PKIB: variants seen among roughly 807,000 people sequenced by gnomAD.
PKIB encodes the protein cAMP-dependent protein kinase inhibitor beta.
PKIB carries 2 observed loss-of-function variants against 4.5 expected under a neutral mutation model. The observed-to-expected ratio is 0.44, with a 90% CI of 0.18 to 1.39. PKIB has a LOEUF of 1.39. Ranked by LOEUF, PKIB falls within the 40% of genes most tolerant of loss-of-function variation. PKIB has a pLI of 0.27. For missense variants in PKIB, 94 were observed against 92.6 expected, an observed-to-expected ratio of 1.02 and a Z score of -0.06; for synonymous variants, 38 against 36.0, an observed-to-expected ratio of 1.06 and a Z score of -0.20.
chr6:122,720,647 G>C (rs1779701933), intron 4 of PKIB, among the ~76,000 whole-genome samples: 1 of 152,012 alleles, frequency 6.6e-6, no homozygotes, highest in Admixed American at 6.6e-5. Flanking sequence ...TTGATATATA[G>C]GTCTGGTGGA....
At chr6:122,707,941 AATGTCAT>A (rs1423507784) in intron 3 of PKIB, among the ~76,000 whole-genome samples, 3 of 146,992 alleles carry the variant, frequency 2.0e-5, no homozygotes, top group Non-Finnish European at 4.5e-5. Context: ...AGCATATATT[AATGTCAT>A]ATGCAAAAAG....
In PKIB at chr6:122,633,370, A is replaced by G. The variant is rs1384191624; in HGVS notation, c.-76+3A>G. On this transcript the variant is annotated splice_donor_region_variant and intron_variant, in intron 2 of 4. Coordinates refer to ENST00000368452, the MANE Select transcript of PKIB (RefSeq NM_181795.3). ...TGCCAGGGACAGGAAAGATAGGAGT[A>G]AGTATATTTTTGTTCCATTGATCTT... 1 of 152,184 alleles carries G rather than the reference A, an allele frequency of 6.6e-6. No individual in the cohort carries two copies. The highest frequency in any genetic ancestry group is 1.5e-5 in the Non-Finnish European group (1 of 68,012). 9.4% of individuals were successfully genotyped at this position (152,184 alleles called of 1,614,324 possible). A position where few individuals can be genotyped will look rare whatever the true frequency, so the allele number is the denominator to read the frequency against.
intron 2 of PKIB, among the ~76,000 whole-genome samples, chr6:122,558,574 A>T (rs931109087): frequency 1.3e-5 from 2 of 152,168 alleles, no homozygotes; most frequent in African/African-American, 4.8e-5. Context: ...TATCTCCATT[A>T]TATCATCCTT....
rs59519477 is a variant in PKIB, at chr6:122,501,929, CTTTT to C, written c.-248+24007_-248+24010del. 8.9e-4 allele frequency among the ~76,000 whole-genome samples: 111 copies of C among 124,618 alleles called. 1 individual carries two copies. Among genetic ancestry groups the C allele is most frequent in the Middle Eastern group, 4.5e-3 (1 of 220 alleles). 81.8% of individuals were successfully genotyped at this position (124,618 alleles called of 152,430 possible). Reference sequence around the variant, plus strand: ...TAGGCTTTTAGAAGCAGCCAGGCCACTTTTTTTTTTTTTTTTTTTTAATTTTATT... The same window carrying C: ...TAGGCTTTTAGAAGCAGCCAGGCCACTTTTTTTTTTTTTTTTAATTTTATT... On this transcript the variant is annotated intron_variant, in intron 2 of 6. Transcript: ENST00000392491.
rs1036413795 is a variant in PKIB, at chr6:122,511,706, C to T, written c.-248+33767C>T. 5.3e-5 allele frequency among the ~76,000 whole-genome samples: 8 copies of T among 152,280 alleles called. 1 individual carries two copies. The highest frequency in any genetic ancestry group is 1.9e-4 in the African/African-American group (8 of 41,562). On this transcript the variant is annotated intron_variant, in intron 2 of 6. Coordinates refer to the PKIB transcript ENST00000392491. Reference sequence around the variant, plus strand: ...TGGTTTCCACAGTATTTATTGAGTACAATCACTTAGATCTAAGAAGCAGAT... The same window carrying T: ...TGGTTTCCACAGTATTTATTGAGTATAATCACTTAGATCTAAGAAGCAGAT...
intron 1 of PKIB, among the ~76,000 whole-genome samples, chr6:122,616,495 A>C (rs1774995793): frequency 6.6e-6 from 1 of 152,156 alleles, no homozygotes; most frequent in Non-Finnish European, 1.5e-5. Flanking sequence ...ATCACGCGAC[A>C]CAGTGTCCAA....
chr6:122,504,950 G>A (rs1396280983), intron 2 of PKIB, among the ~76,000 whole-genome samples: 1 of 152,130 alleles, frequency 6.6e-6, no homozygotes, highest in African/African-American at 2.4e-5. Flanking sequence ...GAGTCAGGGG[G>A]CCAGTTTTAA....
chr6:122,677,324 A>T (rs557739329), intron 3 of PKIB, among the ~76,000 whole-genome samples: 1 of 151,900 alleles, frequency 6.6e-6, no homozygotes, highest in Non-Finnish European at 1.5e-5. Context: ...TTTTTTGTTT[A>T]TTTGTTTTTT....
intron 3 of PKIB, among the ~76,000 whole-genome samples, chr6:122,590,110 C>A (rs1773972308): frequency 6.6e-6 from 1 of 151,966 alleles, no homozygotes; most frequent in South Asian, 2.1e-4. Flanking sequence ...TCAGAAATGC[C>A]AAATTATTGG....
At chr6:122,488,217 C>CAT (rs1433635954) in intron 2 of PKIB, among the ~76,000 whole-genome samples, 1 of 151,670 alleles carries the variant, frequency 6.6e-6, no homozygotes, top group African/African-American at 2.4e-5. Context: ...TATATATATT[C>CAT]ATATATATAC....
At chr6:122,506,439 T>C (rs1318369093) in intron 2 of PKIB, among the ~76,000 whole-genome samples, 1 of 152,162 alleles carries the variant, frequency 6.6e-6, no homozygotes, top group African/African-American at 2.4e-5. Flanking sequence ...TTGGGAATTA[T>C]GTTTAGGGCC....
intron 2 of PKIB, among the ~76,000 whole-genome samples, chr6:122,541,395 C>T (rs1237967154): frequency 2.6e-5 from 4 of 151,550 alleles, no homozygotes; most frequent in Admixed American, 2.6e-4. Context: ...CAAAATCTCT[C>T]AGCATTTGCT....
intron 2 of PKIB, among the ~76,000 whole-genome samples, chr6:122,492,094 C>T (rs900302318): frequency 2.6e-5 from 4 of 152,030 alleles, no homozygotes; most frequent in African/African-American, 9.7e-5. Flanking sequence ...AGAGGGTAGC[C>T]TAGAACCAAG....
intron 3 of PKIB, chr6:122,701,641 A>C: frequency 3.2e-6 from 3 of 948,956 alleles, no homozygotes; most frequent in Non-Finnish European, 4.8e-6. Context: ...CAAATAACTC[A>C]GAACCAAATA....
intron 1 of PKIB, among the ~76,000 whole-genome samples, chr6:122,621,915 C>G (rs1453812356): frequency 6.6e-6 from 1 of 151,788 alleles, no homozygotes; most frequent in African/African-American, 2.4e-5. Context: ...GGGCTGGACT[C>G]AAGTTCTGAG....
At chr6:122,572,361 A>G (rs555616565) in intron 2 of PKIB, among the ~76,000 whole-genome samples, 21 of 152,314 alleles carry the variant, frequency 1.4e-4, no homozygotes, top group African/African-American at 4.8e-4. Flanking sequence ...AAATTAAATA[A>G]TCTGCATTTG....
intron 2 of PKIB, chr6:122,481,666 ATGTG>A (rs932391415): frequency 1.3e-5 from 2 of 151,852 alleles, no homozygotes; most frequent in Non-Finnish European, 1.5e-5. Flanking sequence ...AACAGTATGT[ATGTG>A]TGTGTGTGTT....
At chr6:122,715,196 A>AT (rs757550551) in intron 3 of PKIB, among the ~76,000 whole-genome samples, 1 of 152,176 alleles carries the variant, frequency 6.6e-6, no homozygotes, top group Non-Finnish European at 1.5e-5. Flanking sequence ...ATTTTATTTT[A>AT]TATAAAATAT....
In PKIB at chr6:122,718,957, A is replaced by C. The variant is rs111919844; in HGVS notation, c.169+994A>C. Among the ~76,000 whole-genome samples, 560 of 152,292 alleles carry C rather than the reference A, an allele frequency of 3.7e-3. 3 individuals are homozygous for C. The highest frequency in any genetic ancestry group is 0.013 in the African/African-American group (550 of 41,570). ...ACACTATAGGTGAGAGTAAAAAAGCATACACATCAACGTAAAATATTATAA... is the reference window on the plus strand; with the variant it reads ...ACACTATAGGTGAGAGTAAAAAAGCCTACACATCAACGTAAAATATTATAA... On this transcript the variant is annotated intron_variant, in intron 4 of 4. Transcript: ENST00000368452.
Sources: allele counts gnomAD v4.1 joint callset (sites outside exome capture counted in the v4.1 genomes callset), GRCh38; gene constraint gnomAD v4.1.1; transcripts MANE v1.5; gene names NCBI Gene and HGNC (gene_info 2026-07-23, HGNC 2026-07-21).